Variants in PTPN9 observed in about 807,000 individuals in gnomAD.
PTPN9 encodes tyrosine-protein phosphatase non-receptor type 9.
In PTPN9, 26 loss-of-function variants were observed where a neutral mutation model predicts 69.8. The ratio of observed to expected loss-of-function variants is 0.37; its 90% confidence interval spans 0.27 to 0.52. The LOEUF is 0.52. PTPN9 is among the 20% of genes least tolerant of loss of function. PTPN9 has a pLI of 0.91. For missense variants in PTPN9, 549 were observed against 740.3 expected (o/e 0.74, Z 3.00); for synonymous variants, 274 against 272.5 (o/e 1.01, Z -0.05).
intron 7 of PTPN9, among the ~76,000 whole-genome samples, chr15:75,504,202 G>A: frequency 1.1e-5 from 1 of 87,586 alleles, no homozygotes; most frequent in African/African-American, 5.3e-5. Context: ...TGTCCGGGAG[G>A]GAGGTCGGGG....
rs989296446 is a variant in PTPN9, at chr15:75,551,018, T to G, written c.64-23757A>C. 2.6e-5 allele frequency among the ~76,000 whole-genome samples: 4 copies of G among 152,152 alleles called. No individual in the cohort carries two copies. In the South Asian group the frequency reaches 8.3e-4, roughly 32 times the overall value. On this transcript the variant is annotated intron_variant, in intron 1 of 12. Transcript: ENST00000618819. ...CAGACCAATGTTTACTGAGTGCTTA[T>G]AGTGTGCTGGGCCATGAGGCAAGTA...
chr15:75,478,109 G>A (rs914190994), intron 9 of PTPN9, among the ~76,000 whole-genome samples: 8 of 151,474 alleles, frequency 5.3e-5, no homozygotes, highest in Non-Finnish European at 1.0e-4. Context: ...AAAGTGCTGG[G>A]ATTACAGGCA....
At chr15:75,554,786 T>C (rs541320799) in intron 1 of PTPN9, among the ~76,000 whole-genome samples, 4 of 152,324 alleles carry the variant, frequency 2.6e-5, no homozygotes, top group Non-Finnish European at 5.9e-5. Context: ...GTAATCTGGA[T>C]GTCCTCACTG....
intron 1 of PTPN9, among the ~76,000 whole-genome samples, chr15:75,576,167 G>A (rs1381303524): frequency 6.6e-6 from 1 of 151,766 alleles, no homozygotes; most frequent in Non-Finnish European, 1.5e-5. Context: ...GGGAGGCAGA[G>A]TTTGCAGTGA....
At chr15:75,554,439 C>A (rs2075068561) in intron 1 of PTPN9, among the ~76,000 whole-genome samples, 1 of 152,066 alleles carries the variant, frequency 6.6e-6, no homozygotes, top group Non-Finnish European at 1.5e-5. Context: ...GGTGATCCGC[C>A]CGCCTCAGCC....
chr15:75,477,349 C>G (rs2074601640), intron 9 of PTPN9, among the ~76,000 whole-genome samples: 1 of 152,172 alleles, frequency 6.6e-6, no homozygotes. Context: ...AATCCCAGCA[C>G]TTTGGGAGGC....
At chr15:75,530,687 TTATAATATATATAATATATATTATTA>T (rs1298209414) in intron 1 of PTPN9, among the ~76,000 whole-genome samples, 3,402 of 46,782 alleles carry the variant, frequency 0.073, 597 homozygotes, top group Admixed American at 0.11. Flanking sequence ...TATTATTATA[TTATAATATATATAATATATATTATTA>T]TATAATATAT....
chr15:75,574,232 C>G (rs550924884), intron 1 of PTPN9, among the ~76,000 whole-genome samples: 1 of 151,218 alleles, frequency 6.6e-6, no homozygotes, highest in Non-Finnish European at 1.5e-5. Flanking sequence ...CTGTAATGAG[C>G]CGTGATTACA....
chr15:75,548,139 T>C (rs1346721997), intron 1 of PTPN9, among the ~76,000 whole-genome samples: 1 of 152,190 alleles, frequency 6.6e-6, no homozygotes, highest in Non-Finnish European at 1.5e-5. Context: ...AGAAAAGTGG[T>C]AGAGCCTGAA....
chr15:75,543,254 C>G (rs529587960), intron 1 of PTPN9, among the ~76,000 whole-genome samples: 1 of 152,114 alleles, frequency 6.6e-6, no homozygotes, highest in Non-Finnish European at 1.5e-5. Flanking sequence ...GACCAAAGAG[C>G]AAAGTCCTGC....
intron 7 of PTPN9, among the ~76,000 whole-genome samples, chr15:75,490,981 C>G (rs919154773): frequency 6.6e-6 from 1 of 152,122 alleles, no homozygotes; most frequent in Non-Finnish European, 1.5e-5. Flanking sequence ...TCATGGCACA[C>G]ACCTGTACTC....
intron 2 of PTPN9, 63 bp downstream of exon 2, chr15:75,527,055 A>G: frequency 6.3e-7 from 1 of 1,587,198 alleles, no homozygotes; most frequent in Admixed American, 1.7e-5. Flanking sequence ...GTCGAGCATG[A>G]CAGGGACAAC....
chr15:75,505,035 A>G (rs570671255), intron 7 of PTPN9, among the ~76,000 whole-genome samples: 172 of 152,360 alleles, frequency 1.1e-3, no homozygotes, highest in African/African-American at 3.9e-3. Flanking sequence ...AAAGGTGGGG[A>G]AAAGATTGAG....
intron 6 of PTPN9, 23 bp downstream of exon 6, chr15:75,508,893 TA>T: frequency 1.3e-6 from 2 of 1,555,286 alleles, no homozygotes; most frequent in Non-Finnish European, 8.9e-7. Flanking sequence ...CACCTCCAGA[TA>T]AAAAAGGGCA....
intron 1 of PTPN9, among the ~76,000 whole-genome samples, chr15:75,576,677 A>G (rs528011950): frequency 5.0e-4 from 75 of 149,994 alleles, no homozygotes; most frequent in Non-Finnish European, 1.0e-3. Flanking sequence ...GCATGGTGGC[A>G]GGCGCCTGTA....
chr15:75,467,806 G>C lies in PTPN9; in HGVS notation c.*963C>G, dbSNP rs1387440748. 6.6e-6 allele frequency: 1 copy of C among 152,638 alleles called. No individual in the cohort carries two copies. Among genetic ancestry groups the C allele is most frequent in the African/African-American group, 2.4e-5 (1 of 41,450 alleles). 9.5% of individuals were successfully genotyped at this position (152,638 alleles called of 1,614,324 possible). On this transcript the variant is annotated 3_prime_UTR_variant, in exon 13 of 13. Transcript: ENST00000618819. Reference sequence around the variant, plus strand: ...CCCTGGGATAGTGAAAGCAAAGAGAGAGTATGGAATCACAGTGGAGGTCTG... The same window carrying C: ...CCCTGGGATAGTGAAAGCAAAGAGACAGTATGGAATCACAGTGGAGGTCTG...
intron 1 of PTPN9, among the ~76,000 whole-genome samples, chr15:75,552,366 C>T (rs1330430618): frequency 6.6e-6 from 1 of 152,070 alleles, no homozygotes; most frequent in Non-Finnish European, 1.5e-5. Flanking sequence ...AAGATCACAC[C>T]ATTGTACTGT....
At chr15:75,478,522 C>T (rs1217495885) in intron 9 of PTPN9, among the ~76,000 whole-genome samples, 2 of 152,254 alleles carry the variant, frequency 1.3e-5, no homozygotes, top group Non-Finnish European at 2.9e-5. Flanking sequence ...ACTCCCCCCT[C>T]AGCCTCCCAA....
At chr15:75,497,139 A>T (rs1222723755) in intron 7 of PTPN9, among the ~76,000 whole-genome samples, 1 of 152,144 alleles carries the variant, frequency 6.6e-6, no homozygotes, top group Non-Finnish European at 1.5e-5. Flanking sequence ...GGGGAGAACT[A>T]AGGATGCGGA....
Sources: gnomAD v4.1 joint callset for allele counts (sites outside exome capture counted in the v4.1 genomes callset) on GRCh38, gnomAD v4.1.1 for gene constraint, MANE v1.5 for transcripts, NCBI Gene and HGNC (gene_info 2026-07-23, HGNC 2026-07-21) for gene names.